Variants in GRB14 observed in about 807,000 individuals in gnomAD.
GRB14 encodes the protein growth factor receptor bound protein 14, also known as growth factor receptor-bound protein 14.
Under a neutral mutation model 69.1 loss-of-function variants are expected in GRB14, and 38 were observed. That is an observed-to-expected ratio of 0.55 (90% CI 0.42 to 0.72). The LOEUF is 0.72. Ranked by LOEUF, GRB14 falls within the 30% of genes least tolerant of loss-of-function variation. The probability of loss-of-function intolerance (pLI) is 0.00; values close to 1 mark genes in which losing one functional copy is unlikely to be tolerated. For missense variants in GRB14, 666 were observed against 666.1 expected (o/e 1.00, Z 0.00); for synonymous variants, 247 against 241.3 (o/e 1.02, Z -0.22).
At chr2:164,511,300 TA>T (rs1687331702) in intron 6 of GRB14, among the ~76,000 whole-genome samples, 1 of 152,146 alleles carries the variant, frequency 6.6e-6, no homozygotes, top group African/African-American at 2.4e-5. Context: ...GTCCTTGCAC[TA>T]CCCTTCCCAC....
At chr2:164,499,294 T>C (rs768150978) in intron 9 of GRB14, among the ~76,000 whole-genome samples, 1 of 152,182 alleles carries the variant, frequency 6.6e-6, no homozygotes, top group Non-Finnish European at 1.5e-5. Flanking sequence ...CCCTATTTAC[T>C]TGACATACAT....
At chr2:164,525,768 GTAGTTC>G (rs1687754363) in intron 4 of GRB14, among the ~76,000 whole-genome samples, 1 of 152,008 alleles carries the variant, frequency 6.6e-6, no homozygotes, top group Non-Finnish European at 1.5e-5. Context: ...TTTTTCAACA[GTAGTTC>G]TACTAACATT....
At chr2:164,540,382 G>C (rs184230483) in intron 3 of GRB14, among the ~76,000 whole-genome samples, 8 of 152,080 alleles carry the variant, frequency 5.3e-5, no homozygotes, top group Non-Finnish European at 8.8e-5. Flanking sequence ...AGTCCGAGGC[G>C]GGTGGATCAT....
intron 2 of GRB14, among the ~76,000 whole-genome samples, chr2:164,598,324 G>A (rs934019444): frequency 1.3e-5 from 2 of 152,160 alleles, no homozygotes; most frequent in Non-Finnish European, 2.9e-5. Flanking sequence ...ATTTTGAATA[G>A]CATTGTTTCT....
chr2:164,503,527 G>T (rs1429923138), intron 8 of GRB14, among the ~76,000 whole-genome samples: 1 of 144,000 alleles, frequency 6.9e-6, no homozygotes, highest in Non-Finnish European at 1.5e-5. Context: ...CTTTTAACAT[G>T]AATGCAAACC....
chr2:164,492,595 C>A lies in GRB14; in HGVS notation c.*441G>T, dbSNP rs989445764. On this transcript the variant is annotated 3_prime_UTR_variant, in exon 14 of 14. Transcript: ENST00000263915. The stretch of plus-strand genomic sequence containing the variant: ...TTCATTAACAGGTTGTGGATAGTTT[C>A]TTTTAATTGATAAGTTATTATCATA... Among the ~76,000 whole-genome samples the A allele has an allele frequency of 7.3e-6, 1 of 137,404 alleles. No homozygotes were observed. The highest frequency in any genetic ancestry group is 2.1e-4 in the East Asian group (1 of 4,830). The allele number at this position is 137,404 out of a possible 152,430, so 90.1% of individuals were successfully genotyped here.
At chr2:164,544,469 T>C (rs1292060256) in intron 3 of GRB14, among the ~76,000 whole-genome samples, 2 of 152,180 alleles carry the variant, frequency 1.3e-5, no homozygotes, top group Non-Finnish European at 1.5e-5. Flanking sequence ...TAATATATTA[T>C]GCTAATTAGG....
intron 2 of GRB14, among the ~76,000 whole-genome samples, chr2:164,611,303 A>G (rs966873886): frequency 2.0e-5 from 3 of 152,138 alleles, no homozygotes; most frequent in African/African-American, 7.2e-5. Context: ...ACACAGAAGA[A>G]AGGAGGCCAT....
chr2:164,552,512 A>G (rs1481252618), intron 2 of GRB14, among the ~76,000 whole-genome samples: 1 of 152,204 alleles, frequency 6.6e-6, no homozygotes, highest in East Asian at 1.9e-4. Context: ...TCAATGAGTA[A>G]GAGACAAATA....
intron 3 of GRB14, among the ~76,000 whole-genome samples, chr2:164,532,581 CACAG>C (rs894637825): frequency 2.0e-5 from 3 of 152,058 alleles, no homozygotes; most frequent in African/African-American, 7.2e-5. Flanking sequence ...GGTGATTTAA[CACAG>C]ACAGAAGAGG....
chr2:164,544,096 A>G (rs1460221885), intron 3 of GRB14, among the ~76,000 whole-genome samples: 2 of 152,226 alleles, frequency 1.3e-5, no homozygotes, highest in African/African-American at 2.4e-5. Flanking sequence ...GGTCTAATGC[A>G]TGGTTGATGA....
At chr2:164,503,169 TAAAAAA>T (rs3086552) in intron 8 of GRB14, among the ~76,000 whole-genome samples, 15 of 126,606 alleles carry the variant, frequency 1.2e-4, no homozygotes, top group East Asian at 2.3e-4. Context: ...GCTACTTTGT[TAAAAAA>T]AAAAAAAAAA....
chr2:164,516,015 CA>C (rs113528123), intron 6 of GRB14, among the ~76,000 whole-genome samples: 86 of 146,144 alleles, frequency 5.9e-4, no homozygotes, highest in African/African-American at 1.0e-3. Context: ...CCAACAAAGA[CA>C]AAAAAAAAAT....
chr2:164,619,932 C>T, intron 1 of GRB14, 113 bp from the exon 2 acceptor site: 1 of 812,056 alleles, frequency 1.2e-6, no homozygotes, highest in Admixed American at 2.6e-5. Context: ...TGACAAGGCT[C>T]ATATTATATA....
At chr2:164,576,663 CT>C (rs1197614606) in intron 2 of GRB14, among the ~76,000 whole-genome samples, 2 of 151,670 alleles carry the variant, frequency 1.3e-5, no homozygotes, top group African/African-American at 4.8e-5. Context: ...ATATCTCATA[CT>C]GCTAAAACAA....
At chr2:164,591,133 T>A (rs1444954181) in intron 2 of GRB14, among the ~76,000 whole-genome samples, 1 of 152,182 alleles carries the variant, frequency 6.6e-6, no homozygotes, top group East Asian at 1.9e-4. Flanking sequence ...ATAGATAAAT[T>A]GGCAGTTAGA....
At chr2:164,581,358 G>A (rs1689399578) in intron 2 of GRB14, among the ~76,000 whole-genome samples, 1 of 152,114 alleles carries the variant, frequency 6.6e-6, no homozygotes, top group African/African-American at 2.4e-5. Context: ...AATTATACAG[G>A]GGGTTCCAAC....
At chr2:164,510,181 T>G (rs1479061096) in intron 6 of GRB14, among the ~76,000 whole-genome samples, 1 of 152,234 alleles carries the variant, frequency 6.6e-6, no homozygotes, top group Non-Finnish European at 1.5e-5. Context: ...ACCATTCCTG[T>G]CCACTGATGC....
intron 8 of GRB14, among the ~76,000 whole-genome samples, chr2:164,505,753 T>A (rs770229515): frequency 2.0e-5 from 3 of 152,166 alleles, no homozygotes; most frequent in Non-Finnish European, 4.4e-5. Context: ...ATTACAAAAA[T>A]CTAGGTTCAA....
Sources: gnomAD v4.1 joint callset for allele counts (sites outside exome capture counted in the v4.1 genomes callset) on GRCh38, gnomAD v4.1.1 for gene constraint, MANE v1.5 for transcripts, NCBI Gene and HGNC (gene_info 2026-07-23, HGNC 2026-07-21) for gene names.